Variants in LIPA observed in about 807,000 individuals in gnomAD.
The protein encoded by LIPA is lipase A, lysosomal acid type.
Under a neutral mutation model 40.6 loss-of-function variants are expected in LIPA, and 26 were observed. The observed-to-expected ratio is 0.64, with a 90% confidence interval of 0.47 to 0.89. The LOEUF (loss-of-function observed/expected upper bound fraction) is 0.89. LIPA is among the 40% of genes least tolerant of loss of function. The probability of loss-of-function intolerance (pLI) is 0.00; values close to 1 mark genes in which losing one functional copy is unlikely to be tolerated. For synonymous variants in LIPA, 188 were observed against 168.4 expected, an observed-to-expected ratio of 1.12 and a Z score of -0.90; for missense variants, 455 against 479.6, an observed-to-expected ratio of 0.95 and a Z score of 0.48.
In LIPA at chr10:89,247,404, AAAAAAAAT is replaced by A. The variant is rs1180128396; in HGVS notation, c.111+126_111+133del. 2.7e-4 allele frequency: 151 copies of A among 552,000 alleles called. 1 individual carries two copies. Among genetic ancestry groups the A allele is most frequent in the African/African-American group, 2.4e-3 (114 of 46,958 alleles). 34.2% of individuals were successfully genotyped at this position (552,000 alleles called of 1,614,324 possible). ...CAAAAAAAAAAAAAAAAAAAAAAAA[AAAAAAAAT>A]TCAGAGAAATTGAAAAGCAAAGGAG... On this transcript the variant is annotated intron_variant, in intron 2 of 9. Coordinates refer to ENST00000336233, the MANE Select transcript of LIPA (RefSeq NM_000235.4).
At chr10:89,359,632 C>T (rs1040649787) in intron 2 of LIPA, among the ~76,000 whole-genome samples, 7 of 152,208 alleles carry the variant, frequency 4.6e-5, no homozygotes, top group Middle Eastern at 3.2e-3. Context: ...CATCAAGCTG[C>T]TCCTATTCGC....
At chr10:89,391,518 C>A (rs901444245) in intron 2 of LIPA, among the ~76,000 whole-genome samples, 2 of 152,050 alleles carry the variant, frequency 1.3e-5, no homozygotes, top group East Asian at 3.9e-4. Flanking sequence ...ACCCGGACAA[C>A]AATTTTTTAT....
chr10:89,375,899 C>T (rs1163717866), intron 2 of LIPA, among the ~76,000 whole-genome samples: 1 of 151,956 alleles, frequency 6.6e-6, no homozygotes, highest in Non-Finnish European at 1.5e-5. Flanking sequence ...TGTAAGATGT[C>T]AAGACGGGCC....
At chr10:89,248,634 C>A (rs1843070337) in intron 1 of LIPA, among the ~76,000 whole-genome samples, 1 of 149,234 alleles carries the variant, frequency 6.7e-6, no homozygotes. Context: ...GCCACCACGC[C>A]CGGCAAATTT....
intron 2 of LIPA, among the ~76,000 whole-genome samples, chr10:89,352,100 C>A (rs1208500993): frequency 2.0e-5 from 3 of 152,176 alleles, no homozygotes; most frequent in African/African-American, 7.2e-5. Flanking sequence ...TAAGCAGAAA[C>A]CAGCTCTGGA....
upstream of LIPA, among the ~76,000 whole-genome samples, chr10:89,343,768 T>C (rs1326895738): frequency 6.6e-6 from 1 of 152,122 alleles, no homozygotes; most frequent in Admixed American, 6.5e-5. Context: ...CCGATTGCCA[T>C]ATGGGGCAGT....
At chr10:89,313,816 T>A (rs1190388259) in intron 1 of LIPA, among the ~76,000 whole-genome samples, 1 of 152,224 alleles carries the variant, frequency 6.6e-6, no homozygotes, top group African/African-American at 2.4e-5. Flanking sequence ...TCTGTTTATA[T>A]GAAATGTGGA....
intron 2 of LIPA, among the ~76,000 whole-genome samples, chr10:89,353,870 G>A (rs554901518): frequency 6.6e-6 from 1 of 152,198 alleles, no homozygotes; most frequent in East Asian, 1.9e-4. Context: ...GAACCAGGGA[G>A]GCAGAGCTTG....
intron 1 of LIPA, among the ~76,000 whole-genome samples, chr10:89,262,923 C>T (rs1176311165): frequency 6.6e-6 from 1 of 152,196 alleles, no homozygotes; most frequent in Admixed American, 6.5e-5. Context: ...GTAAAAACTG[C>T]CAAGCCCAAT....
At chr10:89,220,911 C>G (rs1318889489) in intron 8 of LIPA, among the ~76,000 whole-genome samples, 1 of 152,142 alleles carries the variant, frequency 6.6e-6, no homozygotes, top group Non-Finnish European at 1.5e-5. Context: ...TACTGACATA[C>G]ACAACATAGG....
intron 2 of LIPA, chr10:89,384,833 C>T (rs1844194020): frequency 1.7e-6 from 2 of 1,149,424 alleles, no homozygotes; most frequent in Non-Finnish European, 2.5e-6. Context: ...GGAAATTTAC[C>T]TTATTTTGAG....
At chr10:89,308,083 T>A (rs1272845336) in intron 1 of LIPA, 1 of 152,298 alleles carries the variant, frequency 6.6e-6, no homozygotes. Context: ...AGTTCACCTC[T>A]ACTCTGCCCT....
At chr10:89,276,833 CCATT>C (rs1433071588) in intron 1 of LIPA, among the ~76,000 whole-genome samples, 1 of 152,068 alleles carries the variant, frequency 6.6e-6, no homozygotes, top group East Asian at 1.9e-4. Context: ...TTAATAATTA[CCATT>C]ATTATTCCCA....
chr10:89,238,784 A>G (rs2133452563), intron 3 of LIPA, among the ~76,000 whole-genome samples: 1 of 152,354 alleles, frequency 6.6e-6, no homozygotes, highest in African/African-American at 2.4e-5. Flanking sequence ...TATAATACAT[A>G]TAACATATAA....
chr10:89,413,749 A>C (rs1164797125), intron 1 of LIPA, among the ~76,000 whole-genome samples: 1 of 147,580 alleles, frequency 6.8e-6, no homozygotes, highest in African/African-American at 2.5e-5. Flanking sequence ...CCTGAGTGAC[A>C]GAGTGAGACC....
chr10:89,392,646 T>C (rs1844273126), intron 2 of LIPA: 9 of 1,575,590 alleles, frequency 5.7e-6, no homozygotes, highest in Non-Finnish European at 7.9e-6. Flanking sequence ...CAAGACAGAA[T>C]AGCCAGATCT....
At chr10:89,263,639 AG>A (rs1201620978) in intron 1 of LIPA, among the ~76,000 whole-genome samples, 2 of 152,266 alleles carry the variant, frequency 1.3e-5, no homozygotes, top group African/African-American at 4.8e-5. Flanking sequence ...AACTGTCATA[AG>A]ATCCTTAGGG....
At chr10:89,336,671 TATCTTTTAAA>T (rs1481978588) in intron 1 of LIPA, among the ~76,000 whole-genome samples, 1 of 152,268 alleles carries the variant, frequency 6.6e-6, no homozygotes, top group Non-Finnish European at 1.5e-5. Flanking sequence ...CTTTCTTTTC[TATCTTTTAAA>T]ATAAAATATT....
intron 1 of LIPA, among the ~76,000 whole-genome samples, chr10:89,313,010 G>A (rs1412388974): frequency 3.3e-5 from 5 of 152,112 alleles, no homozygotes; most frequent in Non-Finnish European, 7.4e-5. Context: ...TCAATCACAC[G>A]AGCACACACT....
Sources: allele counts gnomAD v4.1 joint callset (sites outside exome capture counted in the v4.1 genomes callset), GRCh38; gene constraint gnomAD v4.1.1; transcripts MANE v1.5; gene names NCBI Gene and HGNC (gene_info 2026-07-23, HGNC 2026-07-21).